ZFPM2: variants seen among roughly 807,000 people sequenced by gnomAD.
The protein encoded by ZFPM2 is zinc finger protein ZFPM2.
ZFPM2 carries 20 observed loss-of-function variants against 98.6 expected under a neutral mutation model. The ratio of observed to expected loss-of-function variants is 0.20; its 90% CI spans 0.14 to 0.29. ZFPM2 has a LOEUF of 0.29. ZFPM2 is among the 10% of genes least tolerant of loss of function. ZFPM2 has a pLI of 1.00. For synonymous variants in ZFPM2, 518 were observed against 502.7 expected (o/e 1.03, Z -0.41); for missense variants, 1,310 against 1,388.6 (o/e 0.94, Z 0.90).
chr8:105,563,795 T>C (rs1408278668), intron 4 of ZFPM2, among the ~76,000 whole-genome samples: 1 of 152,188 alleles, frequency 6.6e-6, no homozygotes, highest in Non-Finnish European at 1.5e-5. Context: ...ATTTATCTTA[T>C]TTATCACAGT....
At position 105,453,660 on chromosome 8, in the gene ZFPM2, G is replaced by C. The variant is rs527680306; in HGVS notation, c.301+9279G>C. Among the ~76,000 whole-genome samples, 5 of 149,068 alleles carry C rather than the reference G, an allele frequency of 3.4e-5. No individual in the cohort carries two copies. The South Asian group carries it at 1.1e-3, about 32-fold the overall frequency. ...TGTTTTGTTTTGTTTTTTTCTTTTT[G>C]AAATGGAGTCTTGCCCTGTCATCCA... On this transcript the variant is annotated intron_variant, in intron 3 of 7. Coordinates refer to ENST00000407775, the MANE Select transcript of ZFPM2 (RefSeq NM_012082.4).
At chr8:105,745,878 G>A (rs576110936) in intron 5 of ZFPM2, among the ~76,000 whole-genome samples, 23 of 152,190 alleles carry the variant, frequency 1.5e-4, no homozygotes, top group African/African-American at 5.3e-4. Flanking sequence ...TCATGCCTCA[G>A]CCTCCTGAGT....
At position 105,537,397 on chromosome 8, in the gene ZFPM2, C is replaced by T. The variant is rs562266387; in HGVS notation, c.302-23966C>T. Reference sequence around the variant, plus strand: ...TCATTGAAATCTTATATCTTTTGTCCAGGCATGGTGGCTTATGTCTGTAAT... The same window carrying T: ...TCATTGAAATCTTATATCTTTTGTCTAGGCATGGTGGCTTATGTCTGTAAT... On this transcript the variant is annotated intron_variant, in intron 3 of 7. Transcript: ENST00000407775. Among the ~76,000 whole-genome samples, 3 of 152,234 alleles carry T rather than the reference C, an allele frequency of 2.0e-5. No homozygotes were observed. The South Asian group carries it at 6.2e-4, about 32-fold the overall frequency.
At chr8:105,560,146 G>A (rs184171880) in intron 3 of ZFPM2, among the ~76,000 whole-genome samples, 75 of 145,296 alleles carry the variant, frequency 5.2e-4, no homozygotes, top group African/African-American at 1.8e-3. Flanking sequence ...GGCAGCCTGG[G>A]CAACAAGAGC....
rs1048105230 is a variant in ZFPM2, at chr8:105,735,333, CA to C, written c.533-53378del. Among the ~76,000 whole-genome samples the C allele has an allele frequency of 6.0e-5, 9 of 150,894 alleles. No individual in the cohort carries two copies. The East Asian group carries it at 1.4e-3, about 23-fold the overall frequency. ...TAAGGACCTAATTCTCTAGAGGGTT[CA>C]AAAAAATTGTGGATACATTGTATTA... On this transcript the variant is annotated intron_variant, in intron 5 of 7. Coordinates refer to ENST00000407775, the MANE Select transcript of ZFPM2 (RefSeq NM_012082.4).
intron 5 of ZFPM2, among the ~76,000 whole-genome samples, chr8:105,776,571 C>A (rs921466386): frequency 6.6e-6 from 1 of 152,126 alleles, no homozygotes; most frequent in African/African-American, 2.4e-5. Context: ...TTGAAGAGTT[C>A]TCTTCATTAT....
intron 5 of ZFPM2, among the ~76,000 whole-genome samples, chr8:105,648,801 T>G (rs2053826903): frequency 6.6e-6 from 1 of 152,200 alleles, no homozygotes; most frequent in Admixed American, 6.5e-5. Flanking sequence ...TAGTTTGAAA[T>G]CAGGTAGCAT....
At chr8:105,344,606 T>C (rs938023974) in intron 1 of ZFPM2, among the ~76,000 whole-genome samples, 5 of 152,158 alleles carry the variant, frequency 3.3e-5, no homozygotes, top group African/African-American at 1.2e-4. Flanking sequence ...TCCCTAGTTG[T>C]ATAAGCTTCA....
chr8:105,623,083 A>G (rs899246686), intron 4 of ZFPM2, among the ~76,000 whole-genome samples: 6 of 152,214 alleles, frequency 3.9e-5, no homozygotes, highest in Admixed American at 3.3e-4. Context: ...TTCTGTTACT[A>G]AAATGTCTCA....
chr8:105,434,963 G>C (rs1193945072), intron 2 of ZFPM2, among the ~76,000 whole-genome samples: 3 of 152,150 alleles, frequency 2.0e-5, no homozygotes, highest in African/African-American at 7.2e-5. Context: ...AAAGGTGTTT[G>C]TTTGTGGTTT....
intron 3 of ZFPM2, among the ~76,000 whole-genome samples, chr8:105,543,040 G>T (rs1814613540): frequency 6.6e-6 from 1 of 152,216 alleles, no homozygotes; most frequent in Non-Finnish European, 1.5e-5. Context: ...TGTTTAAAGT[G>T]AACATTGAAA....
At chr8:105,324,289 T>C (rs763290472) in intron 1 of ZFPM2, among the ~76,000 whole-genome samples, 1 of 151,836 alleles carries the variant, frequency 6.6e-6, no homozygotes, top group Non-Finnish European at 1.5e-5. Flanking sequence ...AATATATCTA[T>C]GTTTTGCCTA....
At chr8:105,395,248 A>C (rs563649858) in intron 1 of ZFPM2, among the ~76,000 whole-genome samples, 1 of 152,328 alleles carries the variant, frequency 6.6e-6, no homozygotes, top group Non-Finnish European at 1.5e-5. Context: ...TTTCCTAAAG[A>C]GTCCAGAGAG....
At chr8:105,594,232 ATGTGGT>A in intron 4 of ZFPM2, among the ~76,000 whole-genome samples, 2 of 152,162 alleles carry the variant, frequency 1.3e-5, no homozygotes, top group South Asian at 4.1e-4. Flanking sequence ...GTAACTCTTC[ATGTGGT>A]TGTTGTCTCT....
chr8:105,734,911 C>T (rs1393886674), intron 5 of ZFPM2, among the ~76,000 whole-genome samples: 1 of 150,922 alleles, frequency 6.6e-6, no homozygotes, highest in Non-Finnish European at 1.5e-5. Flanking sequence ...TCTATATATA[C>T]ATATATATGG....
At chr8:105,794,553 G>C (rs901746437) in intron 6 of ZFPM2, among the ~76,000 whole-genome samples, 10 of 152,256 alleles carry the variant, frequency 6.6e-5, no homozygotes, top group African/African-American at 2.2e-4. Context: ...TGAGGAGGCA[G>C]TCTGCGGGTT....
chr8:105,696,810 G>A (rs1811028359), intron 5 of ZFPM2, among the ~76,000 whole-genome samples: 1 of 152,054 alleles, frequency 6.6e-6, no homozygotes, highest in South Asian at 2.1e-4. Context: ...TTTGAAGCAG[G>A]CTTGCATACT....
At chr8:105,332,761 G>A (rs1253665132) in intron 1 of ZFPM2, among the ~76,000 whole-genome samples, 2 of 151,662 alleles carry the variant, frequency 1.3e-5, no homozygotes, top group Non-Finnish European at 3.0e-5. Context: ...GGGTATTGAA[G>A]GAGGAGTGGG....
At chr8:105,662,987 C>T (rs1817422146) in intron 5 of ZFPM2, 1 of 152,168 alleles carries the variant, frequency 6.6e-6, no homozygotes, top group Non-Finnish European at 1.5e-5. Context: ...TATCTTTCAT[C>T]AGTGTTTGTG....
Sources: gnomAD v4.1 joint callset for allele counts (sites outside exome capture counted in the v4.1 genomes callset) on GRCh38, gnomAD v4.1.1 for gene constraint, MANE v1.5 for transcripts, NCBI Gene and HGNC (gene_info 2026-07-23, HGNC 2026-07-21) for gene names.